The following MMS19 variants were observed in gnomAD, a reference collection of about 807,000 sequenced individuals.
The protein encoded by MMS19 is MMS19 cytosolic iron-sulfur assembly component.
In MMS19, 77 loss-of-function variants were observed where a neutral mutation model predicts 129.8. The ratio of observed to expected loss-of-function variants is 0.59; its 90% CI spans 0.49 to 0.72. The LOEUF (loss-of-function observed/expected upper bound fraction) is 0.72. Among genes scored for constraint, MMS19 ranks in the 30% least tolerant of loss-of-function variants. The pLI, the probability that MMS19 is intolerant of heterozygous loss-of-function variation, is 0.00. For missense variants in MMS19, 1,168 were observed against 1,266.3 expected, an observed-to-expected ratio of 0.92 and a Z score of 1.18; for synonymous variants, 491 against 502.8, an observed-to-expected ratio of 0.98 and a Z score of 0.31.
At chr10:97,462,156 G>A in intron 20 of MMS19, 37 bp from the exon 21 acceptor site, 1 of 1,471,492 alleles carries the variant, frequency 6.8e-7, no homozygotes, top group Non-Finnish European at 9.3e-7. Flanking sequence ...AAGGAGCTAG[G>A]ATTCTAAAGC....
chr10:97,478,018 G>A (rs1030120963), intron 4 of MMS19, 89 bp from the exon 5 acceptor site: 25 of 819,570 alleles, frequency 3.1e-5, no homozygotes, highest in Non-Finnish European at 4.6e-5. Flanking sequence ...ATTAGCTACT[G>A]TAAGAATCAC....
At chr10:97,472,611 T>C (rs2034957164) in intron 8 of MMS19, among the ~76,000 whole-genome samples, 1 of 151,962 alleles carries the variant, frequency 6.6e-6, no homozygotes. Context: ...TTTTTTGTTT[T>C]TGTTTTTGGT....
rs778328681 is a variant in MMS19 at position 97,498,397 on chromosome 10, A to C, written c.-13T>G. 1 of 1,578,688 alleles carries C rather than the reference A, an allele frequency of 6.3e-7. No individual in the cohort carries two copies. The highest frequency in any genetic ancestry group is 8.5e-7 in the Non-Finnish European group (1 of 1,170,458). On this transcript the variant is annotated 5_prime_UTR_variant, in exon 1 of 31. Transcript: ENST00000438925. ...CGGCAGCGGCCATAACGCGAACTAG[A>C]GACCGTGGGAGGGGATATGGGCGGT...
chr10:97,485,413 A>G (rs568452268), intron 1 of MMS19, among the ~76,000 whole-genome samples: 1 of 152,220 alleles, frequency 6.6e-6, no homozygotes, highest in Non-Finnish European at 1.5e-5. Context: ...CCCGGGTTCA[A>G]GCAATTCTTC....
intron 18 of MMS19, 51 bp downstream of exon 18, chr10:97,465,754 C>T (rs905097935): frequency 3.8e-6 from 6 of 1,563,714 alleles, no homozygotes; most frequent in Non-Finnish European, 5.2e-6. Context: ...GCCTTAGAGA[C>T]TACAGCTCCC....
At chr10:97,487,350 G>A (rs1000244245) in intron 1 of MMS19, among the ~76,000 whole-genome samples, 7 of 133,434 alleles carry the variant, frequency 5.2e-5, no homozygotes, top group South Asian at 2.3e-4. Context: ...ACAGAATCTC[G>A]CTCTTTCGCC....
intron 1 of MMS19, among the ~76,000 whole-genome samples, chr10:97,490,684 G>C (rs546985878): frequency 1.3e-5 from 2 of 152,298 alleles, no homozygotes; most frequent in South Asian, 4.1e-4. Flanking sequence ...TAAAGTCTGT[G>C]GTCTCACAGC....
intron 12 of MMS19, 54 bp from the exon 13 acceptor site, chr10:97,468,460 C>T: frequency 6.6e-7 from 1 of 1,506,776 alleles, no homozygotes; most frequent in South Asian, 1.3e-5. Context: ...GTGCCTGACT[C>T]CCCTACAGTC....
At chr10:97,469,808 G>A (rs369908254) in intron 10 of MMS19, 85 bp from the exon 11 acceptor site, 6 of 1,174,226 alleles carry the variant, frequency 5.1e-6, no homozygotes, top group African/African-American at 3.0e-5. Flanking sequence ...GGCACCTGAA[G>A]GAGCCCTGGT....
At chr10:97,478,953 C>A (rs760612962) in intron 3 of MMS19, among the ~76,000 whole-genome samples, 1 of 152,036 alleles carries the variant, frequency 6.6e-6, no homozygotes, top group Non-Finnish European at 1.5e-5. Flanking sequence ...GTAGGTTGGG[C>A]ATGTGGTGCT....
Position 97,469,035 on chromosome 10 carries a change from A to G in MMS19, c.994T>C (p.Leu332=). The G allele has an allele frequency of 6.3e-7, 1 of 1,586,316 alleles. No homozygotes were observed. Among genetic ancestry groups the G allele is most frequent in the Non-Finnish European group, 8.6e-7 (1 of 1,166,674 alleles). The change falls in exon 12 of 31, where the codon TTG becomes CTG. Residue 332 remains leucine, a synonymous_variant. Coordinates refer to ENST00000438925, the MANE Select transcript of MMS19 (RefSeq NM_022362.5). ...TCAGCCCTCAGCACAGAGCGAGACA[A>G]ACACGCAGTCAGGGAGTGGAGGGCC... is the stretch of plus-strand genomic sequence containing the variant. The part of the protein sequence containing the change: ...LAALHSLTAC[L]SRSVLRADAE...
chr10:97,480,366 CAAAAAAACA>C (rs761561162), intron 3 of MMS19: 37 of 437,014 alleles, frequency 8.5e-5, no homozygotes, highest in South Asian at 5.3e-4. Flanking sequence ...TCCTTAAAAC[CAAAAAAACA>C]AAAAAAACAA....
At chr10:97,468,127 G>T in intron 13 of MMS19, 125 bp downstream of exon 13, 1 of 790,682 alleles carries the variant, frequency 1.3e-6, no homozygotes, top group Non-Finnish European at 1.9e-6. Flanking sequence ...AGCAGCAGCA[G>T]CAGCTAATGG....
chr10:97,462,534 A>G, intron 20 of MMS19, 49 bp downstream of exon 20: 1 of 1,382,288 alleles, frequency 7.2e-7, no homozygotes, highest in Non-Finnish European at 1.0e-6. Context: ...TCTTCCTAAG[A>G]ATGCTATCCT....
intron 10 of MMS19, 117 bp from the exon 11 acceptor site, chr10:97,469,840 G>C (rs1264116293): frequency 1.2e-6 from 1 of 818,348 alleles, no homozygotes; most frequent in Admixed American, 2.4e-5. Context: ...AACCAGTTAA[G>C]ATTTTTAACA....
chr10:97,470,751 T>C (rs2034521017), intron 9 of MMS19, 24 bp downstream of exon 9: 3 of 1,508,688 alleles, frequency 2.0e-6, no homozygotes, highest in Admixed American at 1.7e-5. Context: ...AGAGGCTATA[T>C]ACCCTAACCT....
intron 6 of MMS19, 98 bp from the exon 7 acceptor site, chr10:97,477,061 CT>C (rs2035906887): frequency 1.3e-6 from 2 of 1,573,418 alleles, no homozygotes; most frequent in South Asian, 2.4e-5. Flanking sequence ...ATTGCCTCCC[CT>C]TTCTCTTCAG....
chr10:97,469,793 A>C, intron 10 of MMS19, 70 bp from the exon 11 acceptor site: 2 of 1,356,480 alleles, frequency 1.5e-6, no homozygotes, highest in African/African-American at 1.4e-5. Flanking sequence ...GTACCTCAGC[A>C]TAATGGCACC....
At chr10:97,481,966 G>A (rs560660850) in intron 2 of MMS19, among the ~76,000 whole-genome samples, 18 of 152,156 alleles carry the variant, frequency 1.2e-4, no homozygotes, top group Non-Finnish European at 2.2e-4. Flanking sequence ...ACTTGAGCCC[G>A]GCAGTCGTGA....
Sources: allele counts gnomAD v4.1 joint callset (sites outside exome capture counted in the v4.1 genomes callset), GRCh38; gene constraint gnomAD v4.1.1; transcripts MANE v1.5; gene names NCBI Gene and HGNC (gene_info 2026-07-23, HGNC 2026-07-21).